ST8SIA6: variants seen among roughly 807,000 people sequenced by gnomAD.
ST8SIA6 encodes the protein alpha-2,8-sialyltransferase 8F.
Under a neutral mutation model 33.6 loss-of-function variants are expected in ST8SIA6, and 39 were observed. That is an observed-to-expected ratio of 1.16 (90% CI 0.90 to 1.52). ST8SIA6 has a LOEUF of 1.52. Ranked by LOEUF, ST8SIA6 falls within the 40% of genes most tolerant of loss-of-function variation. ST8SIA6 has a pLI of 0.00. For synonymous variants in ST8SIA6, 172 were observed against 167.2 expected, an observed-to-expected ratio of 1.03 and a Z score of -0.22; for missense variants, 441 against 443.8, an observed-to-expected ratio of 0.99 and a Z score of 0.06.
At chr10:17,336,177 G>T (rs1848493272) in intron 4 of ST8SIA6, among the ~76,000 whole-genome samples, 1 of 151,924 alleles carries the variant, frequency 6.6e-6, no homozygotes, top group African/African-American at 2.4e-5. Flanking sequence ...GGCTGGTCTC[G>T]AACTTCTGAC....
intron 4 of ST8SIA6, among the ~76,000 whole-genome samples, chr10:17,354,009 G>A (rs536096762): frequency 6.6e-6 from 1 of 152,280 alleles, no homozygotes; most frequent in African/African-American, 2.4e-5. Context: ...ATTGGCTACA[G>A]AAATGAATAC....
At chr10:17,367,390 A>G (rs1849589124) in intron 3 of ST8SIA6, among the ~76,000 whole-genome samples, 1 of 152,110 alleles carries the variant, frequency 6.6e-6, no homozygotes, top group Non-Finnish European at 1.5e-5. Context: ...GAACAGCACG[A>G]GAAAACCCGC....
chr10:17,389,116 T>C (rs1850485893), intron 3 of ST8SIA6, among the ~76,000 whole-genome samples: 1 of 152,074 alleles, frequency 6.6e-6, no homozygotes, highest in Non-Finnish European at 1.5e-5. Context: ...TCATTTCAAC[T>C]CCCTGATTCG....
At chr10:17,396,442 T>A (rs1028919927) in intron 2 of ST8SIA6, among the ~76,000 whole-genome samples, 1 of 152,162 alleles carries the variant, frequency 6.6e-6, no homozygotes, top group Non-Finnish European at 1.5e-5. Flanking sequence ...CTGTTTCTTA[T>A]TGTCTTTGCC....
chr10:17,451,010 A>G (rs1852891672), intron 2 of ST8SIA6, among the ~76,000 whole-genome samples: 1 of 152,162 alleles, frequency 6.6e-6, no homozygotes, highest in South Asian at 2.1e-4. Flanking sequence ...CAGGCTCCAC[A>G]ATGTGTTAAC....
chr10:17,427,960 T>C (rs1218059070), intron 2 of ST8SIA6, among the ~76,000 whole-genome samples: 1 of 152,192 alleles, frequency 6.6e-6, no homozygotes, highest in Non-Finnish European at 1.5e-5. Flanking sequence ...CCTCTGAGTT[T>C]GAGTAGGCAA....
chr10:17,401,010 C>T (rs190880790), intron 2 of ST8SIA6, among the ~76,000 whole-genome samples: 69 of 152,202 alleles, frequency 4.5e-4, no homozygotes, highest in South Asian at 1.9e-3. Flanking sequence ...GCAGATGACA[C>T]GATTGTATAT....
intron 3 of ST8SIA6, among the ~76,000 whole-genome samples, chr10:17,363,193 C>A (rs926126915): frequency 7.9e-5 from 12 of 152,136 alleles, no homozygotes; most frequent in African/African-American, 2.9e-4. Flanking sequence ...GTATCTATCG[C>A]TTGAGAATTC....
chr10:17,374,112 C>G (rs796576026), intron 3 of ST8SIA6, among the ~76,000 whole-genome samples: 114 of 141,586 alleles, frequency 8.1e-4, no homozygotes, highest in African/African-American at 2.8e-3. Flanking sequence ...CACACACACA[C>G]ACGGGAAAAG....
intron 2 of ST8SIA6, among the ~76,000 whole-genome samples, chr10:17,422,272 T>C (rs1303316263): frequency 6.6e-6 from 1 of 152,220 alleles, no homozygotes; most frequent in Non-Finnish European, 1.5e-5. Flanking sequence ...GTTTGTGAAA[T>C]ACCATTTTCA....
At chr10:17,379,074 T>C (rs914071908) in intron 3 of ST8SIA6, among the ~76,000 whole-genome samples, 1 of 149,544 alleles carries the variant, frequency 6.7e-6, no homozygotes, top group Non-Finnish European at 1.5e-5. Context: ...TGCAGTGAGC[T>C]GAGATCGCAC....
chr10:17,363,213 A>G (rs1484800202), intron 3 of ST8SIA6, among the ~76,000 whole-genome samples: 3 of 152,128 alleles, frequency 2.0e-5, no homozygotes, highest in Non-Finnish European at 4.4e-5. Context: ...CTCACGTTAG[A>G]GCTCAATAGC....
At chr10:17,327,152 C>A in intron 5 of ST8SIA6, 26 bp from the exon 6 acceptor site, 1 of 1,531,388 alleles carries the variant, frequency 6.5e-7, no homozygotes. Flanking sequence ...GGAAAACTAC[C>A]ATGAAATACC....
At chr10:17,366,644 G>T (rs910447580) in intron 3 of ST8SIA6, among the ~76,000 whole-genome samples, 1 of 152,034 alleles carries the variant, frequency 6.6e-6, no homozygotes, top group African/African-American at 2.4e-5. Flanking sequence ...GCACACTAGG[G>T]CCGTCAACAG....
chr10:17,415,657 C>A (rs1172768571), intron 2 of ST8SIA6, among the ~76,000 whole-genome samples: 1 of 152,072 alleles, frequency 6.6e-6, no homozygotes, highest in Admixed American at 6.5e-5. Context: ...TTAGCCTTTT[C>A]TCTCGTTAAG....
intron 2 of ST8SIA6, among the ~76,000 whole-genome samples, chr10:17,392,744 A>G (rs140721589): frequency 2.6e-5 from 4 of 152,304 alleles, no homozygotes; most frequent in Middle Eastern, 3.4e-3. Flanking sequence ...AGAATAGACT[A>G]TGATGTGATA....
chr10:17,390,522 A>T lies in ST8SIA6; in HGVS notation c.290+9T>A. 6.2e-7 allele frequency: 1 copy of T among 1,601,922 alleles called. No homozygotes were observed. On this transcript the variant is annotated intron_variant, in intron 3 of 7. Transcript: ENST00000377602. ...TAAAAGGAAATTAAATGTGAAGAGT[A>T]GAACTTACCCTTTCGTTTTGTTAGA...
At chr10:17,426,779 A>G (rs1469053261) in intron 2 of ST8SIA6, among the ~76,000 whole-genome samples, 1 of 152,228 alleles carries the variant, frequency 6.6e-6, no homozygotes, top group Non-Finnish European at 1.5e-5. Flanking sequence ...CTACTGGCAG[A>G]AAGACTTCAT....
At chr10:17,413,785 G>T (rs1851525651) in intron 2 of ST8SIA6, among the ~76,000 whole-genome samples, 1 of 152,166 alleles carries the variant, frequency 6.6e-6, no homozygotes, top group Admixed American at 6.5e-5. Flanking sequence ...AAGAAATCAA[G>T]ATCTGTTTTA....
Sources: allele counts gnomAD v4.1 joint callset (sites outside exome capture counted in the v4.1 genomes callset), GRCh38; gene constraint gnomAD v4.1.1; transcripts MANE v1.5; gene names NCBI Gene and HGNC (gene_info 2026-07-23, HGNC 2026-07-21).